The following TRHDE variants were observed in gnomAD, a reference collection of about 807,000 sequenced individuals.
The protein encoded by TRHDE is thyrotropin releasing hormone degrading enzyme, also known as thyrotropin-releasing hormone-degrading ectoenzyme.
A neutral mutation model predicts 125.7 loss-of-function variants in TRHDE; 72 were observed. That is an observed-to-expected ratio of 0.57 (90% CI 0.47 to 0.70). The LOEUF (loss-of-function observed/expected upper bound fraction) is 0.70, where lower values mean the gene tolerates loss of function less well. TRHDE is among the 30% of genes least tolerant of loss of function. TRHDE has a pLI of 0.00. For missense variants in TRHDE, 1,110 were observed against 1,327.1 expected, an observed-to-expected ratio of 0.84 and a Z score of 2.54; for synonymous variants, 509 against 509.1, an observed-to-expected ratio of 1.00 and a Z score of 0.00.
chr12:72,413,002 T>C (rs1411635043), intron 3 of TRHDE, among the ~76,000 whole-genome samples: 1 of 151,936 alleles, frequency 6.6e-6, no homozygotes, highest in Non-Finnish European at 1.5e-5. Context: ...GGTTATGAAG[T>C]GGTTTATTAA....
At chr12:72,501,309 G>C (rs908382244) in intron 6 of TRHDE, among the ~76,000 whole-genome samples, 3 of 151,906 alleles carry the variant, frequency 2.0e-5, no homozygotes, top group South Asian at 4.1e-4. Flanking sequence ...TTATCCATTA[G>C]GTATGATGTC....
intron 2 of TRHDE, among the ~76,000 whole-genome samples, chr12:72,290,828 A>T (rs1367419401): frequency 2.0e-5 from 3 of 152,232 alleles, no homozygotes; most frequent in African/African-American, 7.2e-5. Flanking sequence ...TCCTGAAAGA[A>T]CTAGGTGGGC....
intron 1 of TRHDE, among the ~76,000 whole-genome samples, chr12:72,101,657 T>C (rs1384382832): frequency 3.9e-5 from 6 of 152,232 alleles, no homozygotes; most frequent in Non-Finnish European, 8.8e-5. Flanking sequence ...ATTCCATTGA[T>C]CTTGAAGGTA....
intron 2 of TRHDE, chr12:72,255,956 C>A (rs1444882245): frequency 6.6e-6 from 1 of 152,194 alleles, no homozygotes; most frequent in Non-Finnish European, 1.5e-5. Flanking sequence ...TCTCACCACC[C>A]CTCTACTACC....
At chr12:72,511,995 T>A (rs1878600247) in intron 6 of TRHDE, among the ~76,000 whole-genome samples, 1 of 152,172 alleles carries the variant, frequency 6.6e-6, no homozygotes, top group Non-Finnish European at 1.5e-5. Flanking sequence ...TAACTAATGG[T>A]TTAGATAGCT....
chr12:72,351,589 G>T (rs768331368), intron 2 of TRHDE, among the ~76,000 whole-genome samples: 8 of 151,850 alleles, frequency 5.3e-5, no homozygotes, highest in Non-Finnish European at 1.0e-4. Flanking sequence ...TATCTCTAGA[G>T]TCCCTGAGCC....
chr12:72,522,085 A>G (rs150861992), intron 6 of TRHDE, among the ~76,000 whole-genome samples: 3,231 of 152,102 alleles, frequency 0.021, 54 homozygotes, highest in Non-Finnish European at 0.03. Flanking sequence ...CTGTATTACT[A>G]CTCTTTCCAT....
chr12:72,650,734 G>A (rs1441132441), intron 15 of TRHDE, among the ~76,000 whole-genome samples: 1 of 151,998 alleles, frequency 6.6e-6, no homozygotes, highest in Non-Finnish European at 1.5e-5. Context: ...TTTGGCAAAA[G>A]TAGGGCAATA....
At chr12:72,336,766 G>C (rs545650363) in intron 2 of TRHDE, among the ~76,000 whole-genome samples, 1 of 152,160 alleles carries the variant, frequency 6.6e-6, no homozygotes. Context: ...ACTCACTCTT[G>C]TAACAAGCCC....
intron 1 of TRHDE, among the ~76,000 whole-genome samples, chr12:72,104,655 G>A (rs572475094): frequency 8.5e-5 from 13 of 152,190 alleles, no homozygotes; most frequent in African/African-American, 3.1e-4. Context: ...TAATGAACAA[G>A]GACAAGTCAC....
chr12:72,455,670 A>G (rs1875807803), intron 3 of TRHDE, among the ~76,000 whole-genome samples: 1 of 152,206 alleles, frequency 6.6e-6, no homozygotes, highest in Non-Finnish European at 1.5e-5. Context: ...AGGGTGGTAG[A>G]GATCAGTATG....
intron 3 of TRHDE, among the ~76,000 whole-genome samples, chr12:72,430,825 C>A (rs1874446652): frequency 1.3e-5 from 2 of 152,002 alleles, no homozygotes; most frequent in Non-Finnish European, 2.9e-5. Context: ...TGCTTTGAAT[C>A]TCTGTGTCAG....
chr12:72,246,305 T>G (rs1357457710), intron 2 of TRHDE, among the ~76,000 whole-genome samples: 2 of 152,160 alleles, frequency 1.3e-5, no homozygotes, highest in Non-Finnish European at 2.9e-5. Context: ...CTTGTAGACA[T>G]TTTAATTTTC....
intron 3 of TRHDE, among the ~76,000 whole-genome samples, chr12:72,455,451 T>G (rs1409979733): frequency 6.6e-6 from 1 of 152,188 alleles, no homozygotes; most frequent in Non-Finnish European, 1.5e-5. Flanking sequence ...AAGGTAAATT[T>G]AGAACTTTTG....
upstream of TRHDE, among the ~76,000 whole-genome samples, chr12:72,271,594 G>T (rs1212774382): frequency 2.0e-5 from 3 of 152,108 alleles, no homozygotes; most frequent in Admixed American, 6.5e-5. Context: ...CTGCCGCTCA[G>T]TCGCTCCCCT....
intron 2 of TRHDE, among the ~76,000 whole-genome samples, chr12:72,332,729 G>C: frequency 6.6e-6 from 1 of 152,216 alleles, no homozygotes; most frequent in East Asian, 1.9e-4. Context: ...ACTAGAGTGA[G>C]TTAAGGACAG....
At chr12:72,517,596 C>T (rs921491907) in intron 6 of TRHDE, among the ~76,000 whole-genome samples, 1 of 152,078 alleles carries the variant, frequency 6.6e-6, no homozygotes, top group Non-Finnish European at 1.5e-5. Flanking sequence ...AAAAAACCAG[C>T]TCCTGGATTC....
In TRHDE at chr12:72,368,303, A is replaced by G. The variant is rs559005438; in HGVS notation, c.1189-9692A>G. Among the ~76,000 whole-genome samples, 3 of 152,294 alleles carry G rather than the reference A, an allele frequency of 2.0e-5. No homozygotes were observed. The South Asian group carries it at 6.2e-4, about 32-fold the overall frequency. On this transcript the variant is annotated intron_variant, in intron 2 of 18. Coordinates refer to ENST00000261180, the MANE Select transcript of TRHDE (RefSeq NM_013381.3). ...TAAGTTATTAGAAGAAAGTCTCTAAATTTATTTAGTAGAAGATTTCATAAT... is the reference window on the plus strand; with the variant it reads ...TAAGTTATTAGAAGAAAGTCTCTAAGTTTATTTAGTAGAAGATTTCATAAT...
intron 3 of TRHDE, among the ~76,000 whole-genome samples, chr12:72,419,342 G>C (rs1873857014): frequency 6.6e-6 from 1 of 152,178 alleles, no homozygotes. Context: ...ATTTTGTGTT[G>C]CTGTAAATAA....
Sources: allele counts gnomAD v4.1 joint callset (sites outside exome capture counted in the v4.1 genomes callset), GRCh38; gene constraint gnomAD v4.1.1; transcripts MANE v1.5; gene names NCBI Gene and HGNC (gene_info 2026-07-23, HGNC 2026-07-21).